The following FAM180A variants were observed in gnomAD, a reference collection of about 807,000 sequenced individuals.
FAM180A encodes protein FAM180A.
FAM180A carries 14 observed loss-of-function variants against 15.3 expected under a neutral mutation model. That is an observed-to-expected ratio of 0.92 (90% CI 0.61 to 1.43). The LOEUF (loss-of-function observed/expected upper bound fraction) is 1.43. Ranked by LOEUF, FAM180A falls within the 40% of genes most tolerant of loss-of-function variation. The probability of loss-of-function intolerance (pLI) is 0.00; values close to 1 mark genes in which losing one functional copy is unlikely to be tolerated. For missense variants in FAM180A, 200 were observed against 220.8 expected, an observed-to-expected ratio of 0.91 and a Z score of 0.60; for synonymous variants, 90 against 96.8, an observed-to-expected ratio of 0.93 and a Z score of 0.41.
chr7:135,737,939 A>G (rs1796895285), intron 1 of FAM180A, among the ~76,000 whole-genome samples: 2 of 152,232 alleles, frequency 1.3e-5, no homozygotes, highest in African/African-American at 4.8e-5. Context: ...GTTCCCTGAA[A>G]ACACTGTTCC....
chr7:135,730,950 C>T (rs1284921662), intron 3 of FAM180A, among the ~76,000 whole-genome samples: 1 of 112,536 alleles, frequency 8.9e-6, no homozygotes, highest in Non-Finnish European at 1.8e-5. Flanking sequence ...AAGGTCATGT[C>T]CTTCTTTTTT....
At chr7:135,739,391 A>G (rs547582183) in intron 1 of FAM180A, among the ~76,000 whole-genome samples, 4 of 151,674 alleles carry the variant, frequency 2.6e-5, no homozygotes, top group African/African-American at 9.7e-5. Context: ...TGGGTGGATC[A>G]CGAGGTCAGG....
chr7:135,729,902 C>T lies in FAM180A; in HGVS notation c.*709G>A, dbSNP rs113756807. ...CGGTGGGTATAGAACTTCAGAATTA[C>T]AAGATGAGAAAGTTCCGGGGGTCTG... On this transcript the variant is annotated 3_prime_UTR_variant, in exon 4 of 4. Transcript: ENST00000338588. 12 of 717,866 alleles carry T rather than the reference C, an allele frequency of 1.7e-5. No individual in the cohort carries two copies. The African/African-American group carries it at 1.7e-4, about 10-fold the overall frequency. 44.5% of individuals were successfully genotyped at this position (717,866 alleles called of 1,614,324 possible). A position where few individuals can be genotyped will look rare whatever the true frequency, so the allele number is the denominator to read the frequency against.
At chr7:135,736,075 T>G (rs1312106991) in intron 2 of FAM180A, among the ~76,000 whole-genome samples, 1 of 150,368 alleles carries the variant, frequency 6.7e-6, no homozygotes, top group Non-Finnish European at 1.5e-5. Context: ...CAGGCTGGAG[T>G]GCAGTGGCGT....
chr7:135,731,154 C>A (rs1029335551), intron 3 of FAM180A, among the ~76,000 whole-genome samples: 12 of 152,050 alleles, frequency 7.9e-5, no homozygotes, highest in African/African-American at 2.7e-4. Flanking sequence ...ATTCTGAGTA[C>A]AAGAAAGCTT....
chr7:135,729,831 G>A lies in FAM180A; in HGVS notation c.*780C>T. ...CAAAAACAGAAAGCAGAATAATGGT[G>A]CCAAGAGCTGGGGCAGGCAGGGGGA... On this transcript the variant is annotated 3_prime_UTR_variant, in exon 4 of 4. Transcript: ENST00000338588. 1.1e-6 allele frequency: 1 copy of A among 873,166 alleles called. No individual in the cohort carries two copies. The highest frequency in any genetic ancestry group is 1.4e-6 in the Non-Finnish European group (1 of 727,662). The allele number at this position is 873,166 out of a possible 1,614,324, so 54.1% of individuals were successfully genotyped here.
chr7:135,748,770 G>T lies in FAM180A; in HGVS notation c.-190C>A. 1.7e-6 allele frequency: 1 copy of T among 593,442 alleles called. No individual in the cohort carries two copies. 36.8% of individuals were successfully genotyped at this position (593,442 alleles called of 1,614,324 possible). A position where few individuals can be genotyped will look rare whatever the true frequency, so the allele number is the denominator to read the frequency against. On this transcript the variant is annotated 5_prime_UTR_variant, in exon 1 of 4. Transcript: ENST00000338588. ...AGGCTGCGTCCTGGGTGGGACAGGA[G>T]TCGGTACCTCTCTTCATTTGACGCT...
Position 135,733,789 on chromosome 7 carries a change from A to T in FAM180A, c.*186T>A. The T allele has an allele frequency of 2.2e-6, 3 of 1,386,352 alleles. No homozygotes were observed. Among genetic ancestry groups the T allele is most frequent in the Middle Eastern group, 5.3e-4 (2 of 3,766 alleles). 85.9% of individuals were successfully genotyped at this position (1,386,352 alleles called of 1,614,324 possible). On this transcript the variant is annotated 3_prime_UTR_variant, in exon 3 of 4. Transcript: ENST00000338588. ...CTTCCAGCCCAGGTCACATGATGGC[A>T]TGAATCAGATGTGTCTTCCAGGAAA...
At chr7:135,746,667 G>A (rs929203250) in intron 1 of FAM180A, among the ~76,000 whole-genome samples, 5 of 152,186 alleles carry the variant, frequency 3.3e-5, no homozygotes, top group Admixed American at 2.6e-4. Context: ...TGACAAAGAG[G>A]GGAGTGACAG....
intron 3 of FAM180A, among the ~76,000 whole-genome samples, chr7:135,733,149 G>A (rs1796812894): frequency 6.6e-6 from 1 of 152,080 alleles, no homozygotes; most frequent in African/African-American, 2.4e-5. Flanking sequence ...GGCAACTTTT[G>A]GAAAAGTCAA....
intron 2 of FAM180A, among the ~76,000 whole-genome samples, chr7:135,735,066 T>A (rs1398371033): frequency 5.3e-5 from 8 of 152,136 alleles, no homozygotes; most frequent in Non-Finnish European, 1.2e-4. Context: ...CATGCCTGGC[T>A]AGTCTTTTGT....
chr7:135,744,506 G>A (rs1405050885), intron 1 of FAM180A, among the ~76,000 whole-genome samples: 1 of 152,156 alleles, frequency 6.6e-6, no homozygotes, highest in Admixed American at 6.5e-5. Flanking sequence ...TCTGGAAACA[G>A]AGTGCTATTC....
intron 3 of FAM180A, among the ~76,000 whole-genome samples, chr7:135,731,192 C>T (rs1004382199): frequency 1.3e-5 from 2 of 152,008 alleles, no homozygotes; most frequent in South Asian, 2.1e-4. Context: ...GGAGTGGAGC[C>T]TCGGGGCGGG....
intron 2 of FAM180A, 128 bp from the exon 3 acceptor site, chr7:135,734,447 G>T (rs1584750218): frequency 2.4e-6 from 2 of 828,540 alleles, no homozygotes; most frequent in Admixed American, 3.2e-5. Flanking sequence ...GAGAGTTCCA[G>T]TTCTGACTTT....
intron 1 of FAM180A, among the ~76,000 whole-genome samples, chr7:135,747,112 AT>A (rs1177775154): frequency 4.6e-5 from 7 of 152,148 alleles, no homozygotes; most frequent in Admixed American, 2.6e-4. Flanking sequence ...AAATAAATAA[AT>A]AAGTAAATAA....
chr7:135,730,196 T>C lies in FAM180A; in HGVS notation c.*415A>G. On this transcript the variant is annotated 3_prime_UTR_variant, in exon 4 of 4. Coordinates refer to ENST00000338588, the MANE Select transcript of FAM180A (RefSeq NM_205855.4). ...TAAATGTCTGTTGATGTCTCTTGAG[T>C]GACATTGGAGATAGCTGTGAGGATG... 2 of 985,250 alleles carry C rather than the reference T, an allele frequency of 2.0e-6. No individual in the cohort carries two copies. Among genetic ancestry groups the C allele is most frequent in the South Asian group, 4.7e-5 (1 of 21,272 alleles). 61.0% of individuals were successfully genotyped at this position (985,250 alleles called of 1,614,324 possible). A position where few individuals can be genotyped will look rare whatever the true frequency, so the allele number is the denominator to read the frequency against.
In FAM180A at chr7:135,737,872, C is replaced by G. The variant is rs1013497298; in HGVS notation, c.77-673G>C. 7.2e-5 allele frequency among the ~76,000 whole-genome samples: 11 copies of G among 152,150 alleles called. 1 individual carries two copies. Among genetic ancestry groups the G allele is most frequent in the Admixed American group, 7.2e-4 (11 of 15,268 alleles). On this transcript the variant is annotated intron_variant, in intron 1 of 3. Coordinates refer to ENST00000338588, the MANE Select transcript of FAM180A (RefSeq NM_205855.4). The stretch of plus-strand genomic sequence containing the variant: ...TTAGGAAATTTATATTAAACCAAAG[C>G]AAAATAAAGCAAAGTAGAAATGAGT...
In FAM180A at chr7:135,734,347, T is replaced by C. The variant is rs766374909; in HGVS notation, c.178-28A>G. 2.1e-5 allele frequency: 33 copies of C among 1,557,604 alleles called. No individual in the cohort carries two copies. In the South Asian group the frequency reaches 4.1e-4, roughly 19 times the overall value. On this transcript the variant is annotated intron_variant, in intron 2 of 3. Transcript: ENST00000338588. ...GGTGAGAAATGTGGATGTGCAAAAATATGAAGTGAGGCATTGCTGAGGACA... is the reference window on the plus strand; with the variant it reads ...GGTGAGAAATGTGGATGTGCAAAAACATGAAGTGAGGCATTGCTGAGGACA...
In FAM180A at chr7:135,730,188, C is replaced by G; in HGVS notation, c.*423G>C. The G allele has an allele frequency of 1.0e-6, 1 of 985,366 alleles. No individual in the cohort carries two copies. The highest frequency in any genetic ancestry group is 1.2e-6 in the Non-Finnish European group (1 of 829,918). The allele number at this position is 985,366 out of a possible 1,614,324, so 61.0% of individuals were successfully genotyped here. ...GCAGCAGTTAAATGTCTGTTGATGTCTCTTGAGTGACATTGGAGATAGCTG... is the reference window on the plus strand; with the variant it reads ...GCAGCAGTTAAATGTCTGTTGATGTGTCTTGAGTGACATTGGAGATAGCTG... On this transcript the variant is annotated 3_prime_UTR_variant, in exon 4 of 4. Transcript: ENST00000338588.
Sources: gnomAD v4.1 joint callset for allele counts (sites outside exome capture counted in the v4.1 genomes callset) on GRCh38, gnomAD v4.1.1 for gene constraint, MANE v1.5 for transcripts, NCBI Gene and HGNC (gene_info 2026-07-23, HGNC 2026-07-21) for gene names.